The following VWC2 variants were observed in gnomAD, a reference collection of about 807,000 sequenced individuals.
VWC2 encodes the protein von Willebrand factor C domain containing 2, also known as brorin.
VWC2 carries 14 observed loss-of-function variants against 29.8 expected under a neutral mutation model. The ratio of observed to expected loss-of-function variants is 0.47; its 90% CI spans 0.31 to 0.74. The LOEUF (loss-of-function observed/expected upper bound fraction) is 0.74, where lower values mean the gene tolerates loss of function less well. VWC2 is among the 30% of genes least tolerant of loss of function. The pLI is 0.05. For synonymous variants in VWC2, 213 were observed against 199.0 expected, an observed-to-expected ratio of 1.07 and a Z score of -0.59; for missense variants, 457 against 459.8, an observed-to-expected ratio of 0.99 and a Z score of 0.05.
chr7:49,820,857 A>G (rs1005150598), intron 3 of VWC2, among the ~76,000 whole-genome samples: 1 of 152,128 alleles, frequency 6.6e-6, no homozygotes, highest in African/African-American at 2.4e-5. Flanking sequence ...CAGGCTGAGG[A>G]AGGCTGGCAG....
At chr7:49,794,075 A>G (rs759231129) in intron 2 of VWC2, among the ~76,000 whole-genome samples, 1 of 152,228 alleles carries the variant, frequency 6.6e-6, no homozygotes, top group Non-Finnish European at 1.5e-5. Flanking sequence ...CTCCTCCCAG[A>G]GAGACATAAC....
chr7:49,815,250 C>A (rs1789108852), intron 3 of VWC2, among the ~76,000 whole-genome samples: 1 of 152,030 alleles, frequency 6.6e-6, no homozygotes, highest in African/African-American at 2.4e-5. Flanking sequence ...TGTTTTACTT[C>A]AATTATGATA....
chr7:49,905,297 C>G (rs907780038), intron 3 of VWC2, among the ~76,000 whole-genome samples: 5 of 152,130 alleles, frequency 3.3e-5, no homozygotes, highest in African/African-American at 1.2e-4. Context: ...TGGAAAGTGA[C>G]CATTCATCAC....
chr7:49,799,661 A>G (rs1218031415), intron 2 of VWC2, among the ~76,000 whole-genome samples: 1 of 152,256 alleles, frequency 6.6e-6, no homozygotes, highest in African/African-American at 2.4e-5. Context: ...CTCCAAATAC[A>G]ATCATGCATC....
At chr7:49,892,728 G>A (rs1303915264) in intron 3 of VWC2, among the ~76,000 whole-genome samples, 1 of 152,200 alleles carries the variant, frequency 6.6e-6, no homozygotes, top group Non-Finnish European at 1.5e-5. Context: ...TGCATATTGT[G>A]TGCAAAGGAG....
chr7:49,795,771 C>G (rs984697402), intron 2 of VWC2, among the ~76,000 whole-genome samples: 4 of 152,200 alleles, frequency 2.6e-5, no homozygotes, highest in African/African-American at 9.7e-5. Context: ...ATTTCTTGAG[C>G]TTGTTCAACA....
intron 3 of VWC2, among the ~76,000 whole-genome samples, chr7:49,852,829 G>A (rs555835531): frequency 6.6e-6 from 1 of 152,288 alleles, no homozygotes; most frequent in Admixed American, 6.5e-5. Flanking sequence ...CTTGGACTCC[G>A]TCTCCATCTA....
chr7:49,851,719 G>A (rs576915470), intron 3 of VWC2, among the ~76,000 whole-genome samples: 16 of 152,276 alleles, frequency 1.1e-4, no homozygotes, highest in South Asian at 4.1e-4. Flanking sequence ...TTAGCTGGGC[G>A]TGCTGGCACA....
chr7:49,786,249 C>T (rs1315425783), intron 2 of VWC2, among the ~76,000 whole-genome samples: 5 of 152,178 alleles, frequency 3.3e-5, no homozygotes, highest in Non-Finnish European at 7.3e-5. Flanking sequence ...GTTTTCTGTT[C>T]CTGCATTAAT....
rs1383850073 is a variant in VWC2, at chr7:49,917,310, T to A, written c.*5125T>A. On this transcript the variant is annotated 3_prime_UTR_variant, in exon 4 of 4. Coordinates refer to ENST00000340652, the MANE Select transcript of VWC2 (RefSeq NM_198570.5). ...TGCTATTCTAGCCTTAACACAAAGA[T>A]TTGGCTAATTTTTAAATGAACAAAT... The A allele has an allele frequency of 1.3e-5, 2 of 152,188 alleles. No individual in the cohort carries two copies. The highest frequency in any genetic ancestry group is 2.9e-5 in the Non-Finnish European group (2 of 68,012). The allele number at this position is 152,188 out of a possible 1,614,324, so 9.4% of individuals were successfully genotyped here.
intron 3 of VWC2, among the ~76,000 whole-genome samples, chr7:49,905,704 G>GA (rs1324493360): frequency 6.6e-6 from 1 of 152,212 alleles, no homozygotes; most frequent in Non-Finnish European, 1.5e-5. Flanking sequence ...AAATGAGGCT[G>GA]AGACCTACTG....
chr7:49,851,479 T>C (rs1017569127), intron 3 of VWC2, among the ~76,000 whole-genome samples: 4 of 152,162 alleles, frequency 2.6e-5, no homozygotes, highest in Non-Finnish European at 2.9e-5. Flanking sequence ...CAATGTTATA[T>C]TGAAAGTGCT....
In VWC2 at chr7:49,775,897, C is replaced by T; in HGVS notation, c.462C>T (p.Gly154=). Residue 154 remains glycine, a synonymous_variant, in exon 2 of 4, where the codon GGC becomes GGT. Coordinates refer to ENST00000340652, the MANE Select transcript of VWC2 (RefSeq NM_198570.5). ...TGTACCCGGACTACCGTGGCAAGGG[C>T]TGCGTGGACGAGAGCGGCTTCGTGT... The part of the protein sequence containing the change: ...EYVYPDYRGK[G]CVDESGFVYA... The T allele has an allele frequency of 6.4e-7, 1 of 1,558,368 alleles. No individual in the cohort carries two copies. The highest frequency in any genetic ancestry group is 2.4e-5 in the East Asian group (1 of 41,772).
chr7:49,788,640 GGTGTGA>G, intron 2 of VWC2, among the ~76,000 whole-genome samples: 1 of 148,198 alleles, frequency 6.7e-6, no homozygotes, highest in Admixed American at 6.7e-5. Flanking sequence ...TGAGTGTGTG[GGTGTGA>G]GTGTGGATGT....
In VWC2 at chr7:49,877,477, AAAAAATATATATAT is replaced by A. The variant is rs1360995914; in HGVS notation, c.827-34555_827-34542del. Reference sequence around the variant, plus strand: ...AACTCTGTCTCAAAAAAAAAAAAAAAAAAAATATATATATATATATATATATATATATATATATA... The same window carrying A: ...AACTCTGTCTCAAAAAAAAAAAAAAAATATATATATATATATATATATATA... On this transcript the variant is annotated intron_variant, in intron 3 of 3. Transcript: ENST00000340652. Among the ~76,000 whole-genome samples the A allele has an allele frequency of 8.7e-4, 15 of 17,298 alleles. 3 individuals are homozygous for A. The East Asian group carries it at 0.033, about 38-fold the overall frequency. The allele number at this position is 17,298 out of a possible 152,430, so 11.3% of individuals were successfully genotyped here.
chr7:49,870,549 G>A (rs1204406260), intron 3 of VWC2, among the ~76,000 whole-genome samples: 1 of 152,132 alleles, frequency 6.6e-6, no homozygotes, highest in African/African-American at 2.4e-5. Context: ...AGTGGGAGTG[G>A]TGACTGGCAC....
At chr7:49,879,797 A>C (rs577072859) in intron 3 of VWC2, among the ~76,000 whole-genome samples, 65 of 152,160 alleles carry the variant, frequency 4.3e-4, no homozygotes, top group African/African-American at 1.4e-3. Context: ...TTATAATTTT[A>C]GGTGTGATCA....
intron 3 of VWC2, among the ~76,000 whole-genome samples, chr7:49,834,775 G>C (rs1789618201): frequency 6.6e-6 from 1 of 152,192 alleles, no homozygotes; most frequent in Non-Finnish European, 1.5e-5. Context: ...GGACTGGCTG[G>C]AGGCCCCAAG....
chr7:49,789,981 C>G (rs1375809926), intron 2 of VWC2, among the ~76,000 whole-genome samples: 1 of 152,230 alleles, frequency 6.6e-6, no homozygotes, highest in African/African-American at 2.4e-5. Context: ...TGGCTGCATC[C>G]TTTCTGACTG....
Sources: allele counts gnomAD v4.1 joint callset (sites outside exome capture counted in the v4.1 genomes callset), GRCh38; gene constraint gnomAD v4.1.1; transcripts MANE v1.5; gene names NCBI Gene and HGNC (gene_info 2026-07-23, HGNC 2026-07-21).